SLC12A7: variants seen among roughly 807,000 people sequenced by gnomAD.
SLC12A7 encodes K-Cl cotransporter 4.
SLC12A7 carries 100 observed loss-of-function variants against 120.6 expected under a neutral mutation model. The observed-to-expected ratio is 0.83, with a 90% CI of 0.71 to 0.98. SLC12A7 has a LOEUF of 0.98. SLC12A7 is among the 50% of genes least tolerant of loss of function. SLC12A7 has a pLI of 0.00. For synonymous variants in SLC12A7, 760 were observed against 678.0 expected, an observed-to-expected ratio of 1.12 and a Z score of -1.88; for missense variants, 1,373 against 1,548.1, an observed-to-expected ratio of 0.89 and a Z score of 1.90.
chr5:1,109,519 A>T (rs1486890353), intron 1 of SLC12A7, among the ~76,000 whole-genome samples: 1 of 152,236 alleles, frequency 6.6e-6, no homozygotes, highest in Admixed American at 6.5e-5. Context: ...TCCCCGGGAC[A>T]GGACGCCTCC....
At chr5:1,072,475 C>G (rs1267229111) in intron 17 of SLC12A7, among the ~76,000 whole-genome samples, 1 of 16,816 alleles carries the variant, frequency 5.9e-5, no homozygotes, top group African/African-American at 4.3e-4. Context: ...CCAGTGAGCC[C>G]CCAGCACACG....
At chr5:1,130,626 C>CCCG in the SLC12A7 span, among the ~76,000 whole-genome samples, 24 of 151,936 alleles carry the variant, frequency 1.6e-4, no homozygotes, top group African/African-American at 4.3e-4. Context: ...AGGGTGGGGG[C>CCCG]AGCAGGGAGG....
chr5:1,079,291 G>A, intron 10 of SLC12A7, 107 bp downstream of exon 10: 1 of 840,498 alleles, frequency 1.2e-6, no homozygotes, highest in Admixed American at 1.9e-5. Context: ...GCCTAACCTG[G>A]GAAGTCACAT....
rs1402022274 is a variant in SLC12A7, at chr5:1,081,717, G to A, written c.1157C>T (p.Ala386Val). The A allele has an allele frequency of 2.9e-5, 46 of 1,612,794 alleles. No homozygotes were observed. Among genetic ancestry groups the A allele is most frequent in the Admixed American group, 1.2e-4 (7 of 60,008 alleles). ...LENLWSTYAH[A>V]GAFVEKKGVP... Reference sequence around the variant, plus strand: ...ACCTTTCTTCTCCACAAACGCCCCCGCGTGCGCGTACGTACTCCACAGGTT... The same window carrying A: ...ACCTTTCTTCTCCACAAACGCCCCCACGTGCGCGTACGTACTCCACAGGTT... The change falls in exon 9 of 24, where the codon GCG (alanine) becomes GTG (valine). Residue 386 changes from alanine to valine, a missense_variant. Ala to Val is a moderately conservative substitution (Grantham distance 64). Coordinates refer to ENST00000264930, the MANE Select transcript of SLC12A7 (RefSeq NM_006598.3).
the SLC12A7 span, among the ~76,000 whole-genome samples, chr5:1,150,630 C>T: frequency 6.6e-6 from 1 of 152,254 alleles, no homozygotes; most frequent in African/African-American, 2.4e-5. Flanking sequence ...GACATGCGTT[C>T]AAGCATTTTC....
At position 1,079,406 on chromosome 5, in the gene SLC12A7, G is replaced by C; in HGVS notation, c.1388C>G (p.Ser463Cys). ...CACCCCTCCAAGGATACAGATGAAA[G>C]ACGTCGTCACTATGGCCAGGATGGT... Reference protein sequence around the residue: ...TGTILAIVTTSFIYLSCIVLF... With the variant: ...TGTILAIVTTCFIYLSCIVLF... Residue 463 changes from serine (S) to cysteine (C), a missense_variant, in exon 10 of 24, where the codon TCT becomes TGT. Coordinates refer to ENST00000264930, the MANE Select transcript of SLC12A7 (RefSeq NM_006598.3). 6.2e-7 allele frequency: 1 copy of C among 1,612,362 alleles called. No individual in the cohort carries two copies. The highest frequency in any genetic ancestry group is 8.5e-7 in the Non-Finnish European group (1 of 1,179,494).
chr5:1,129,811 C>T, the SLC12A7 span, among the ~76,000 whole-genome samples: 3 of 152,234 alleles, frequency 2.0e-5, no homozygotes, highest in Non-Finnish European at 4.4e-5. Flanking sequence ...GAGCCGGGCT[C>T]TCGACACTGC....
At chr5:1,110,409 C>T (rs541550960) in intron 1 of SLC12A7, among the ~76,000 whole-genome samples, 14 of 152,364 alleles carry the variant, frequency 9.2e-5, no homozygotes, top group African/African-American at 2.9e-4. Context: ...GGGCCACTTC[C>T]TGCTGGGCAG....
chr5:1,084,184 AGGGACCG>A (rs1739549114), intron 7 of SLC12A7, among the ~76,000 whole-genome samples: 1 of 148,186 alleles, frequency 6.7e-6, no homozygotes, highest in Non-Finnish European at 1.5e-5. Context: ...ACTGGGGACC[AGGGACCG>A]GGGACCAGGC....
In SLC12A7 at chr5:1,051,021, G is replaced by A. The variant is rs373810211; in HGVS notation, c.*1339C>T. 3.3e-5 allele frequency: 13 copies of A among 398,502 alleles called. No homozygotes were observed. Among genetic ancestry groups the A allele is most frequent in the African/African-American group, 1.2e-4 (6 of 48,714 alleles). The allele number at this position is 398,502 out of a possible 1,614,324, so 24.7% of individuals were successfully genotyped here. On this transcript the variant is annotated 3_prime_UTR_variant, in exon 24 of 24. Transcript: ENST00000264930. ...AAGCAACCTCTTTATGGACAACCTT[G>A]TTACCACGTAACTCCCTGGGGTGTT...
the SLC12A7 span, among the ~76,000 whole-genome samples, chr5:1,117,381 T>TGGGC: frequency 6.6e-6 from 1 of 152,218 alleles, no homozygotes; most frequent in Non-Finnish European, 1.5e-5. This position sits in a 1 kb window ranked among gnomAD's most constrained non-coding sequence, Gnocchi z 4.5. Context: ...TGTTCCTTCC[T>TGGGC]GGGCGTAGGC....
intron 5 of SLC12A7, 122 bp downstream of exon 5, chr5:1,088,184 G>A (rs780765519): frequency 7.0e-5 from 65 of 924,814 alleles, no homozygotes; most frequent in Non-Finnish European, 9.9e-5. Context: ...CAGAAGGCCC[G>A]GCTGAGACCC....
chr5:1,102,452 G>T (rs937914702), intron 1 of SLC12A7, among the ~76,000 whole-genome samples: 1 of 152,192 alleles, frequency 6.6e-6, no homozygotes, highest in Non-Finnish European at 1.5e-5. Context: ...GGATTTTACA[G>T]CCATTCTCCG....
At chr5:1,103,796 G>T (rs1261767181) in intron 1 of SLC12A7, among the ~76,000 whole-genome samples, 1 of 152,256 alleles carries the variant, frequency 6.6e-6, no homozygotes, top group Non-Finnish European at 1.5e-5. Context: ...TAAAGGACAC[G>T]CCTGCTCGCG....
At chr5:1,105,306 A>G (rs1308295375) in intron 1 of SLC12A7, among the ~76,000 whole-genome samples, 1 of 139,674 alleles carries the variant, frequency 7.2e-6, no homozygotes. Flanking sequence ...ACCAGTCAAA[A>G]GGACCCTCCC....
chr5:1,062,035 G>A (rs1052210393), intron 20 of SLC12A7, among the ~76,000 whole-genome samples: 1 of 152,216 alleles, frequency 6.6e-6, no homozygotes, highest in Non-Finnish European at 1.5e-5. Context: ...CAGGGCTACG[G>A]AGGGGTGGGC....
At chr5:1,066,437 A>G (rs1476898526) in intron 17 of SLC12A7, among the ~76,000 whole-genome samples, 1 of 152,204 alleles carries the variant, frequency 6.6e-6, no homozygotes, top group Non-Finnish European at 1.5e-5. Flanking sequence ...CTGAGACTTC[A>G]GGAGACACTG....
At chr5:1,110,094 T>C (rs1742882106) in intron 1 of SLC12A7, among the ~76,000 whole-genome samples, 1 of 152,222 alleles carries the variant, frequency 6.6e-6, no homozygotes, top group African/African-American at 2.4e-5. Context: ...AAGATCAGGA[T>C]GTGATCAAGT....
intron 18 of SLC12A7, 56 bp from the exon 19 acceptor site, chr5:1,064,308 C>T: frequency 6.4e-7 from 1 of 1,556,934 alleles, no homozygotes; most frequent in Non-Finnish European, 8.7e-7. Context: ...CGGAAGGGGC[C>T]TCCCCGGGGA....
Sources: allele counts gnomAD v4.1 joint callset (sites outside exome capture counted in the v4.1 genomes callset), GRCh38; gene constraint gnomAD v4.1.1; non-coding constraint Gnocchi (gnomAD v3.1); transcripts MANE v1.5; gene names NCBI Gene and HGNC (gene_info 2026-07-23, HGNC 2026-07-21).